ZFP82: variants seen among roughly 807,000 people sequenced by gnomAD.
ZFP82 encodes zinc finger protein 82 homolog.
In ZFP82, 30 loss-of-function variants were observed where a neutral mutation model predicts 54.0. The observed-to-expected ratio is 0.56, with a 90% confidence interval of 0.42 to 0.75. The LOEUF (loss-of-function observed/expected upper bound fraction) is 0.75. Among genes scored for constraint, ZFP82 ranks in the 30% least tolerant of loss-of-function variants. The pLI is 0.00. For synonymous variants in ZFP82, 194 were observed against 209.5 expected (o/e 0.93, Z 0.64); for missense variants, 500 against 636.8 (o/e 0.79, Z 2.31).
chr19:36,391,971 A>T lies in ZFP82; in HGVS notation c.*770T>A, dbSNP rs1248435433. On this transcript the variant is annotated 3_prime_UTR_variant, in exon 5 of 5. Coordinates refer to ENST00000392161, the MANE Select transcript of ZFP82 (RefSeq NM_133466.4). ...AAAAGAAAGTTTAGTGGCTTAAAAC[A>T]ACAACCATTTTATTATATCTCATGT... is the stretch of plus-strand genomic sequence containing the variant. 1 of 151,406 alleles carries T rather than the reference A, an allele frequency of 6.6e-6. No homozygotes were observed. Among genetic ancestry groups the T allele is most frequent in the East Asian group, 1.9e-4 (1 of 5,160 alleles). 9.4% of individuals were successfully genotyped at this position (151,406 alleles called of 1,614,324 possible).
downstream of ZFP82, among the ~76,000 whole-genome samples, chr19:36,386,892 G>A (rs2385800): frequency 0.68 from 103,083 of 152,054 alleles, 35,220 homozygotes; most frequent in African/African-American, 0.75. Flanking sequence ...CCGAGATCAC[G>A]CCATTGCACT....
rs776665195 is a variant in ZFP82 at position 36,394,095 on chromosome 19, T to C, written c.245A>G (p.Tyr82Cys). 1.4e-5 allele frequency: 23 copies of C among 1,605,390 alleles called. No homozygotes were observed. The Admixed American group carries it at 3.6e-4, about 25-fold the overall frequency. ...RRQYPDLETK[Y>C]ETKKLSLEND... ...TTCTAAAGATAACTTCTTGGTCTCATACTTGGTCTCCAAATCTAAAATAAA... is the reference window on the plus strand; with the variant it reads ...TTCTAAAGATAACTTCTTGGTCTCACACTTGGTCTCCAAATCTAAAATAAA... The change falls in exon 5 of 5, where the codon TAT (tyrosine) becomes TGT (cysteine). Residue 82 changes from tyrosine to cysteine, a missense_variant. Tyr to Cys is a radical substitution (Grantham distance 194). Transcript: ENST00000392161.
At chr19:36,411,860 G>T in intron 1 of ZFP82, among the ~76,000 whole-genome samples, 1 of 92,146 alleles carries the variant, frequency 1.1e-5, no homozygotes, top group Admixed American at 1.3e-4. Context: ...GCAAGACCCC[G>T]TCTCAAAAAA....
intron 1 of ZFP82, among the ~76,000 whole-genome samples, chr19:36,413,711 G>A (rs757952585): frequency 1.6e-4 from 24 of 151,996 alleles, no homozygotes; most frequent in Admixed American, 3.3e-4. Context: ...GAATTTGGAC[G>A]CATTAATTTT....
chr19:36,396,851 A>AG (rs954302755), intron 4 of ZFP82, among the ~76,000 whole-genome samples: 52 of 151,560 alleles, frequency 3.4e-4, no homozygotes, highest in Non-Finnish European at 6.6e-4. Flanking sequence ...TTTAAAAAAA[A>AG]AAAAAAAATT....
chr19:36,407,936 G>A lies in ZFP82; in HGVS notation c.87C>T (p.Asp29=), dbSNP rs2032512351. ...TCTCCAACATGACATCTCTGTACAA[G>A]TCCTTTTGTTCCAAGTCCAGGTATT... ...EWEYLDLEQK[D]LYRDVMLENY... Residue 29 remains aspartate (D), a synonymous_variant, in exon 3 of 5, where the codon GAC becomes GAT. Coordinates refer to ENST00000392161, the MANE Select transcript of ZFP82 (RefSeq NM_133466.4). The A allele has an allele frequency of 6.2e-7, 1 of 1,614,106 alleles. No homozygotes were observed. The highest frequency in any genetic ancestry group is 8.5e-7 in the Non-Finnish European group (1 of 1,179,956).
intron 4 of ZFP82, among the ~76,000 whole-genome samples, chr19:36,397,656 C>G (rs868430893): frequency 6.6e-6 from 1 of 151,716 alleles, no homozygotes; most frequent in Non-Finnish European, 1.5e-5. Context: ...CACCTCCACC[C>G]GCTGGCCCCC....
intron 4 of ZFP82, 184 bp from the exon 5 acceptor site, chr19:36,394,294 T>C (rs898050704): frequency 8.6e-5 from 50 of 583,338 alleles, no homozygotes; most frequent in African/African-American, 7.9e-4. Context: ...TCATACAAAA[T>C]AGCAAGATTG....
chr19:36,397,542 C>T (rs17464619), intron 4 of ZFP82, among the ~76,000 whole-genome samples: 5,923 of 151,986 alleles, frequency 0.039, 355 homozygotes, highest in African/African-American at 0.13. Context: ...TTTGAAAACA[C>T]AGCTAAAATG....
At chr19:36,416,790 A>T (rs1266872574) in intron 1 of ZFP82, among the ~76,000 whole-genome samples, 1 of 142,056 alleles carries the variant, frequency 7.0e-6, no homozygotes, top group Non-Finnish European at 1.5e-5. Context: ...TTCCTGTTCT[A>T]GGCTGGGGGC....
intron 3 of ZFP82, 33 bp downstream of exon 3, chr19:36,407,854 A>C: frequency 6.2e-7 from 1 of 1,604,272 alleles, no homozygotes. Context: ...TACAGAGAAC[A>C]CAGTCTAAAT....
intron 4 of ZFP82, among the ~76,000 whole-genome samples, chr19:36,404,675 C>T (rs2032449356): frequency 6.6e-6 from 1 of 152,222 alleles, no homozygotes; most frequent in Non-Finnish European, 1.5e-5. Context: ...CATAGCTCCT[C>T]CTGTAGCCTG....
intron 4 of ZFP82, among the ~76,000 whole-genome samples, chr19:36,399,343 G>A (rs1416683632): frequency 6.6e-6 from 1 of 152,236 alleles, no homozygotes; most frequent in African/African-American, 2.4e-5. Flanking sequence ...AGAAGCTGCT[G>A]AGCAAGAAGC....
At chr19:36,410,592 AC>A (rs1205562336) in intron 1 of ZFP82, among the ~76,000 whole-genome samples, 2 of 151,338 alleles carry the variant, frequency 1.3e-5, no homozygotes, top group East Asian at 2.0e-4. Flanking sequence ...AACCCCCGCC[AC>A]CCGGGTTCAA....
intron 2 of ZFP82, among the ~76,000 whole-genome samples, chr19:36,409,370 C>T (rs1443359092): frequency 1.3e-5 from 2 of 152,008 alleles, no homozygotes; most frequent in Non-Finnish European, 2.9e-5. Context: ...TGGGCTCAAA[C>T]AATCCTCCAT....
At chr19:36,400,444 G>A (rs368924826) in intron 4 of ZFP82, among the ~76,000 whole-genome samples, 2 of 152,104 alleles carry the variant, frequency 1.3e-5, no homozygotes, top group East Asian at 1.9e-4. Context: ...ACTGTACTTC[G>A]GAGAATCAAT....
chr19:36,398,766 G>A (rs1035033082), intron 4 of ZFP82, among the ~76,000 whole-genome samples: 4 of 152,042 alleles, frequency 2.6e-5, no homozygotes, highest in Non-Finnish European at 5.9e-5. Context: ...GCTCACTGCC[G>A]CCTCTAACTC....
At chr19:36,414,773 T>C (rs2032640789) in intron 1 of ZFP82, among the ~76,000 whole-genome samples, 1 of 151,764 alleles carries the variant, frequency 6.6e-6, no homozygotes, top group Non-Finnish European at 1.5e-5. Flanking sequence ...CACCATTCCA[T>C]ATCATAAAAC....
chr19:36,393,064 C>T lies in ZFP82; in HGVS notation c.1276G>A (p.Glu426Lys). 1 of 1,614,148 alleles carries T rather than the reference C, an allele frequency of 6.2e-7. No individual in the cohort carries two copies. The highest frequency in any genetic ancestry group is 8.5e-7 in the Non-Finnish European group (1 of 1,180,024). The change falls in exon 5 of 5, where the codon GAA becomes AAA. Residue 426 changes from glutamate (E) to lysine (K), a missense_variant. Coordinates refer to ENST00000392161, the MANE Select transcript of ZFP82 (RefSeq NM_133466.4). The stretch of plus-strand genomic sequence containing the variant: ...AGTAGTCTGAAGGCCTTCCCGCATT[C>T]CTTACAGTCATAGGGCTTAACACCA... The part of the protein sequence containing the change: ...HIGVKPYDCK[E>K]CGKAFRLLSQ...
Sources: gnomAD v4.1 joint callset for allele counts (sites outside exome capture counted in the v4.1 genomes callset) on GRCh38, gnomAD v4.1.1 for gene constraint, MANE v1.5 for transcripts, NCBI Gene and HGNC (gene_info 2026-07-23, HGNC 2026-07-21) for gene names.